The following TENM3 variants were observed in gnomAD, a reference collection of about 807,000 sequenced individuals.
TENM3 encodes teneurin-3.
TENM3 carries 63 observed loss-of-function variants against 255.1 expected under a neutral mutation model. The observed-to-expected ratio is 0.25, with a 90% CI of 0.20 to 0.30. TENM3 has a LOEUF of 0.30. Ranked by LOEUF, TENM3 falls within the 10% of genes least tolerant of loss-of-function variation. The pLI is 1.00. For missense variants in TENM3, 2,929 were observed against 3,461.1 expected (o/e 0.85, Z 3.86); for synonymous variants, 1,306 against 1,322.3 (o/e 0.99, Z 0.27).
chr4:182,703,646 A>G (rs952950346), intron 12 of TENM3, among the ~76,000 whole-genome samples: 1 of 152,238 alleles, frequency 6.6e-6, no homozygotes, highest in African/African-American at 2.4e-5. Flanking sequence ...CTTTGAGAAC[A>G]GCCATTTGTT....
At chr4:182,129,531 A>G in the TENM3 span, among the ~76,000 whole-genome samples, 1 of 152,170 alleles carries the variant, frequency 6.6e-6, no homozygotes, top group Non-Finnish European at 1.5e-5. Flanking sequence ...TTGAAAGACT[A>G]TAATAGATCA....
At chr4:182,299,016 A>T (rs55693008) in intron 1 of TENM3, among the ~76,000 whole-genome samples, 12,259 of 100,406 alleles carry the variant, frequency 0.12, 1,768 homozygotes, top group African/African-American at 0.31. Context: ...AAAAAAAAAA[A>T]GAGGTAATGG....
At chr4:181,905,937 G>T in the TENM3 span, 1 of 567,186 alleles carries the variant, frequency 1.8e-6, no homozygotes, top group Non-Finnish European at 3.3e-6. Context: ...CTCCAACTTC[G>T]GTTTCAGAAC....
the TENM3 span, among the ~76,000 whole-genome samples, chr4:181,594,939 C>T: frequency 2.0e-5 from 3 of 152,054 alleles, no homozygotes; most frequent in Admixed American, 6.6e-5. Flanking sequence ...TTTGATTCCT[C>T]TCTTTGTTTA....
the TENM3 span, among the ~76,000 whole-genome samples, chr4:181,900,712 G>C: frequency 6.6e-6 from 1 of 152,322 alleles, no homozygotes; most frequent in South Asian, 2.1e-4. Context: ...TCAGTGTGAA[G>C]TGCAACAAAG....
the TENM3 span, among the ~76,000 whole-genome samples, chr4:181,851,083 T>A: frequency 6.6e-6 from 1 of 152,160 alleles, no homozygotes; most frequent in African/African-American, 2.4e-5. Flanking sequence ...CCCAAAGAGA[T>A]ACCTCTTTTA....
the TENM3 span, among the ~76,000 whole-genome samples, chr4:181,454,086 T>A: frequency 6.6e-6 from 1 of 152,188 alleles, no homozygotes; most frequent in African/African-American, 2.4e-5. Context: ...CTGTTGCATA[T>A]TAAGTATTAA....
At chr4:182,067,661 T>G in the TENM3 span, among the ~76,000 whole-genome samples, 1 of 152,304 alleles carries the variant, frequency 6.6e-6, no homozygotes, top group African/African-American at 2.4e-5. Flanking sequence ...TTCTGCCTCC[T>G]GAGATGGAGC....
the TENM3 span, among the ~76,000 whole-genome samples, chr4:181,456,195 GTA>G: frequency 6.7e-6 from 1 of 148,960 alleles, no homozygotes; most frequent in Non-Finnish European, 1.5e-5. Flanking sequence ...ATGTATATGT[GTA>G]TATATATATG....
intron 26 of TENM3, among the ~76,000 whole-genome samples, chr4:182,796,245 C>T (rs1041732226): frequency 6.6e-6 from 1 of 152,234 alleles, no homozygotes; most frequent in Non-Finnish European, 1.5e-5. Flanking sequence ...TAATAACACA[C>T]AACTTCTATT....
At chr4:181,816,310 A>G in the TENM3 span, among the ~76,000 whole-genome samples, 1 of 151,992 alleles carries the variant, frequency 6.6e-6, no homozygotes, top group Non-Finnish European at 1.5e-5. Flanking sequence ...TCCTCTACTC[A>G]TTTTCCATTT....
chr4:181,574,685 A>C, the TENM3 span, among the ~76,000 whole-genome samples: 2 of 152,204 alleles, frequency 1.3e-5, no homozygotes, highest in East Asian at 1.9e-4. Context: ...AAAATTAATT[A>C]CTTCCTTTTG....
intron 3 of TENM3, among the ~76,000 whole-genome samples, chr4:182,434,920 T>C (rs1771940090): frequency 6.6e-6 from 1 of 152,166 alleles, no homozygotes; most frequent in African/African-American, 2.4e-5. Flanking sequence ...GGTCTGAGCA[T>C]ATCACTTCAG....
chr4:181,668,646 T>C, the TENM3 span, among the ~76,000 whole-genome samples: 112,306 of 152,006 alleles, frequency 0.74, 42,436 homozygotes, highest in African/African-American at 0.89. Flanking sequence ...AGGGACCCAC[T>C]CTACTCTAGA....
intron 6 of TENM3, among the ~76,000 whole-genome samples, chr4:182,666,911 A>AG (rs769781077): frequency 7.4e-4 from 113 of 152,142 alleles, no homozygotes; most frequent in Non-Finnish European, 1.4e-3. Flanking sequence ...CAAAAAAAAA[A>AG]GGAAATAATG....
chr4:181,572,654 C>T, the TENM3 span, among the ~76,000 whole-genome samples: 1 of 152,078 alleles, frequency 6.6e-6, no homozygotes, highest in Non-Finnish European at 1.5e-5. Flanking sequence ...GAAATACTCG[C>T]TACAGGCATA....
the TENM3 span, among the ~76,000 whole-genome samples, chr4:181,901,214 T>C: frequency 5.3e-5 from 8 of 152,332 alleles, no homozygotes; most frequent in East Asian, 1.2e-3. Flanking sequence ...TCTGTCATGA[T>C]GAATCAAAAT....
the TENM3 span, among the ~76,000 whole-genome samples, chr4:181,658,942 G>A: frequency 6.6e-6 from 1 of 152,074 alleles, no homozygotes; most frequent in African/African-American, 2.4e-5. Flanking sequence ...GAACCACAGC[G>A]ACTCCATCTT....
the TENM3 span, among the ~76,000 whole-genome samples, chr4:181,517,476 G>C: frequency 1.3e-5 from 2 of 152,198 alleles, no homozygotes; most frequent in African/African-American, 4.8e-5. Flanking sequence ...GCCCTGCAGA[G>C]CCAGGCTGTA....
Sources: gnomAD v4.1 joint callset for allele counts (sites outside exome capture counted in the v4.1 genomes callset) on GRCh38, gnomAD v4.1.1 for gene constraint, MANE v1.5 for transcripts, NCBI Gene and HGNC (gene_info 2026-07-23, HGNC 2026-07-21) for gene names.